The following STXBP5 variants were observed in gnomAD, a reference collection of about 807,000 sequenced individuals.
STXBP5 encodes syntaxin-binding protein 5.
In STXBP5, 50 loss-of-function variants were observed where a neutral mutation model predicts 152.4. The ratio of observed to expected loss-of-function variants is 0.33; its 90% CI spans 0.26 to 0.42. STXBP5 has a LOEUF of 0.42. STXBP5 is among the 10% of genes least tolerant of loss of function. The pLI is 1.00. For missense variants in STXBP5, 1,167 were observed against 1,388.6 expected (o/e 0.84, Z 2.54); for synonymous variants, 492 against 494.7 (o/e 0.99, Z 0.07).
intron 4 of STXBP5, among the ~76,000 whole-genome samples, chr6:147,247,252 A>C (rs1312181744): frequency 6.6e-6 from 1 of 152,236 alleles, no homozygotes; most frequent in Non-Finnish European, 1.5e-5. Flanking sequence ...AACATTATCA[A>C]AATTCGTTTC....
chr6:147,212,969 A>T (rs1010660719), intron 2 of STXBP5, among the ~76,000 whole-genome samples: 2 of 152,186 alleles, frequency 1.3e-5, no homozygotes, highest in Non-Finnish European at 2.9e-5. Context: ...AAATGTCAGG[A>T]TGTAAAATTA....
chr6:147,362,509 A>G (rs1785111561), intron 23 of STXBP5, among the ~76,000 whole-genome samples: 1 of 152,146 alleles, frequency 6.6e-6, no homozygotes, highest in African/African-American at 2.4e-5. Flanking sequence ...TGTAACCCCT[A>G]CATTAAGATG....
chr6:147,357,733 G>A (rs1259370160), intron 22 of STXBP5, among the ~76,000 whole-genome samples: 1 of 152,020 alleles, frequency 6.6e-6, no homozygotes, highest in African/African-American at 2.4e-5. Flanking sequence ...CAGATGTATA[G>A]GTCAAATGAA....
intron 19 of STXBP5, among the ~76,000 whole-genome samples, chr6:147,334,992 T>C (rs1212183773): frequency 6.6e-6 from 1 of 152,088 alleles, no homozygotes; most frequent in Non-Finnish European, 1.5e-5. Context: ...GTATTTTGTT[T>C]TACTCCCTCA....
intron 25 of STXBP5, among the ~76,000 whole-genome samples, chr6:147,369,199 C>T (rs994627923): frequency 6.6e-6 from 1 of 151,690 alleles, no homozygotes; most frequent in Non-Finnish European, 1.5e-5. Context: ...TTAAGGAAGG[C>T]GCAAGGCAAT....
intron 18 of STXBP5, among the ~76,000 whole-genome samples, chr6:147,327,861 A>G (rs1783348807): frequency 6.6e-6 from 1 of 152,188 alleles, no homozygotes; most frequent in African/African-American, 2.4e-5. Flanking sequence ...AAAAAAAGTT[A>G]CTTTGTAAGG....
intron 2 of STXBP5, among the ~76,000 whole-genome samples, chr6:147,213,434 A>ATATATGTGTGTGTG (rs1216361619): frequency 1.2e-5 from 1 of 85,534 alleles, no homozygotes; most frequent in African/African-American, 4.3e-5. Context: ...AATTTTATAT[A>ATATATGTGTGTGTG]TGTGTGTGTG....
chr6:147,228,318 A>G (rs1158212507), intron 2 of STXBP5, among the ~76,000 whole-genome samples: 1 of 151,636 alleles, frequency 6.6e-6, no homozygotes, highest in Non-Finnish European at 1.5e-5. Context: ...TATCTTTATA[A>G]CTCTGGGGAC....
intron 2 of STXBP5, among the ~76,000 whole-genome samples, chr6:147,230,476 A>G (rs973905073): frequency 7.9e-5 from 12 of 152,016 alleles, no homozygotes; most frequent in South Asian, 2.1e-4. Flanking sequence ...TAATTGGTGT[A>G]TGATGTTCAT....
At chr6:147,326,959 G>A (rs1488000055) in intron 17 of STXBP5, among the ~76,000 whole-genome samples, 166 bp from the exon 18 acceptor site, 6 of 152,148 alleles carry the variant, frequency 3.9e-5, no homozygotes, top group African/African-American at 7.2e-5. Context: ...AAACAGTTCC[G>A]TGAGTAGGCA....
intron 21 of STXBP5, among the ~76,000 whole-genome samples, chr6:147,339,711 T>A (rs911474053): frequency 6.6e-6 from 1 of 151,972 alleles, no homozygotes; most frequent in African/African-American, 2.4e-5. Flanking sequence ...ATGGTTTCTT[T>A]ATAGTTTTAT....
chr6:147,332,415 A>G (rs1289132733), intron 18 of STXBP5, among the ~76,000 whole-genome samples: 4 of 152,242 alleles, frequency 2.6e-5, no homozygotes, highest in Non-Finnish European at 4.4e-5. Flanking sequence ...AAAATAAAAT[A>G]GAGTGTCTAG....
chr6:147,383,661 A>C (rs1391864189), intron 27 of STXBP5, among the ~76,000 whole-genome samples: 1 of 152,128 alleles, frequency 6.6e-6, no homozygotes, highest in Non-Finnish European at 1.5e-5. Context: ...ACACTAGGTT[A>C]CTTCACACAT....
intron 9 of STXBP5, among the ~76,000 whole-genome samples, chr6:147,306,410 A>T (rs1347311524): frequency 2.0e-5 from 3 of 152,230 alleles, no homozygotes; most frequent in Non-Finnish European, 4.4e-5. Context: ...TTCTCTGAGG[A>T]GGTGATGATT....
chr6:147,248,619 A>C (rs975029438), intron 4 of STXBP5, among the ~76,000 whole-genome samples: 1 of 152,194 alleles, frequency 6.6e-6, no homozygotes, highest in Non-Finnish European at 1.5e-5. Context: ...TTTCTTGGGC[A>C]GTATTCACAT....
intron 7 of STXBP5, among the ~76,000 whole-genome samples, chr6:147,275,279 T>C (rs1328388545): frequency 6.6e-6 from 1 of 152,108 alleles, no homozygotes; most frequent in East Asian, 1.9e-4. Context: ...ATAGTTACGA[T>C]TTTTGTCAGA....
chr6:147,267,964 C>T (rs1445106767), intron 7 of STXBP5, among the ~76,000 whole-genome samples: 2 of 152,106 alleles, frequency 1.3e-5, no homozygotes, highest in Admixed American at 6.6e-5. Flanking sequence ...AGAGAACCTT[C>T]CTCTTATCTG....
At position 147,315,512 on chromosome 6, in the gene STXBP5, C is replaced by T; in HGVS notation, c.1403-3C>T. The T allele has an allele frequency of 6.3e-7, 1 of 1,575,594 alleles. No individual in the cohort carries two copies. The highest frequency in any genetic ancestry group is 8.7e-7 in the Non-Finnish European group (1 of 1,151,194). On this transcript the variant is annotated splice_polypyrimidine_tract_variant and splice_region_variant and intron_variant, in intron 14 of 27. Coordinates refer to ENST00000321680, the MANE Select transcript of STXBP5 (RefSeq NM_001127715.4). ...TATCTGACATATATTATCTTTTTTC[C>T]AGTAACTCTACAAGTATTATATAAG... is the stretch of plus-strand genomic sequence containing the variant.
intron 2 of STXBP5, among the ~76,000 whole-genome samples, chr6:147,213,484 G>GCC (rs1776998227): frequency 6.7e-6 from 1 of 149,180 alleles, no homozygotes; most frequent in African/African-American, 2.5e-5. Flanking sequence ...GTGTGCGCGC[G>GCC]CATATATATA....
Sources: gnomAD v4.1 joint callset for allele counts (sites outside exome capture counted in the v4.1 genomes callset) on GRCh38, gnomAD v4.1.1 for gene constraint, MANE v1.5 for transcripts, NCBI Gene and HGNC (gene_info 2026-07-23, HGNC 2026-07-21) for gene names.